The following KPNA3 variants were observed in gnomAD, a reference collection of about 807,000 sequenced individuals.
KPNA3 encodes importin subunit alpha-4.
In KPNA3, 13 loss-of-function variants were observed where a neutral mutation model predicts 73.8. The observed-to-expected ratio is 0.18, with a 90% CI of 0.11 to 0.28. KPNA3 has a LOEUF of 0.28. Ranked by LOEUF, KPNA3 falls within the 10% of genes least tolerant of loss-of-function variation. KPNA3 has a pLI of 1.00. For synonymous variants in KPNA3, 186 were observed against 206.9 expected (o/e 0.90, Z 0.87); for missense variants, 360 against 618.1 (o/e 0.58, Z 4.43).
intron 1 of KPNA3, among the ~76,000 whole-genome samples, chr13:49,756,709 A>G (rs1225826681): frequency 6.6e-6 from 1 of 152,262 alleles, no homozygotes; most frequent in East Asian, 1.9e-4. Context: ...ATACAGAATT[A>G]TTCTAAAATT....
chr13:49,782,914 C>G (rs1490949956), intron 1 of KPNA3, among the ~76,000 whole-genome samples: 1 of 151,486 alleles, frequency 6.6e-6, no homozygotes, highest in Non-Finnish European at 1.5e-5. Context: ...TCCCAAGTCA[C>G]TAGAATATGT....
intron 6 of KPNA3, among the ~76,000 whole-genome samples, chr13:49,731,061 TG>T (rs1954463976): frequency 2.0e-5 from 3 of 151,614 alleles, no homozygotes; most frequent in Admixed American, 2.0e-4. Context: ...ACTACAGGTG[TG>T]AGCCACTGCA....
chr13:49,783,939 T>TA (rs1954960907), intron 1 of KPNA3, among the ~76,000 whole-genome samples: 1 of 152,218 alleles, frequency 6.6e-6, no homozygotes, highest in Admixed American at 6.5e-5. Context: ...AACTTGAAGC[T>TA]AATCAAGACT....
intron 1 of KPNA3, among the ~76,000 whole-genome samples, chr13:49,789,007 C>G (rs1171403341): frequency 6.6e-6 from 1 of 152,102 alleles, no homozygotes; most frequent in Non-Finnish European, 1.5e-5. Context: ...TGTAGCCATT[C>G]CCAGTCTCAA....
chr13:49,771,119 C>CAA (rs34079476), intron 1 of KPNA3, among the ~76,000 whole-genome samples: 4,113 of 120,648 alleles, frequency 0.034, 190 homozygotes, highest in African/African-American at 0.12. Context: ...GTTGATATTT[C>CAA]AAAAAAAAAA....
At chr13:49,781,273 C>A (rs974902212) in intron 1 of KPNA3, among the ~76,000 whole-genome samples, 6 of 152,168 alleles carry the variant, frequency 3.9e-5, no homozygotes, top group African/African-American at 1.4e-4. Context: ...CTAGTCTATA[C>A]ATTCCTTGAG....
In KPNA3 at chr13:49,722,510, C is replaced by A; in HGVS notation, c.523G>T (p.Glu175Ter). The change falls in exon 8 of 17, where the codon GAA becomes TAA. Residue 175 changes from glutamate (E) to a stop codon, truncating the protein, a stop_gained. Coordinates refer to ENST00000261667, the MANE Select transcript of KPNA3 (RefSeq NM_002267.4). LOFTEE classifies it high-confidence loss of function. ...TTTCCCAAAGCCCATACTGCTTGTT[C>A]ACAAACATTCTGATGTGGTGAACGA... ...LLRSPHQNVC[E>*]QAVWALGNII... 6.2e-7 allele frequency: 1 copy of A among 1,611,882 alleles called. No individual in the cohort carries two copies. Among genetic ancestry groups the A allele is most frequent in the South Asian group, 1.1e-5 (1 of 90,414 alleles).
chr13:49,721,809 G>C, intron 9 of KPNA3, 146 bp downstream of exon 9: 1 of 493,718 alleles, frequency 2.0e-6, no homozygotes, highest in South Asian at 6.1e-5. Context: ...GACAGAGCAA[G>C]ACTCCGTTAT....
At chr13:49,755,614 T>G (rs1371999927) in intron 1 of KPNA3, among the ~76,000 whole-genome samples, 2 of 152,042 alleles carry the variant, frequency 1.3e-5, no homozygotes, top group East Asian at 3.9e-4. Flanking sequence ...GTCAACATAG[T>G]GAAACCCCAT....
At chr13:49,729,922 G>A (rs566363170) in intron 6 of KPNA3, among the ~76,000 whole-genome samples, 25 of 152,252 alleles carry the variant, frequency 1.6e-4, no homozygotes, top group South Asian at 1.5e-3. Context: ...CAAAAGCCAC[G>A]TGGATTTTTA....
intron 1 of KPNA3, among the ~76,000 whole-genome samples, chr13:49,782,853 C>T (rs1281148250): frequency 6.6e-6 from 1 of 151,516 alleles, no homozygotes; most frequent in East Asian, 1.9e-4. Flanking sequence ...CAGAGCAAGA[C>T]CCTGTCTCAA....
At chr13:49,768,912 G>T (rs1313977756) in intron 1 of KPNA3, among the ~76,000 whole-genome samples, 1 of 152,054 alleles carries the variant, frequency 6.6e-6, no homozygotes, top group Non-Finnish European at 1.5e-5. Flanking sequence ...TGTTAGCCCA[G>T]AACTCTGTAT....
intron 11 of KPNA3, among the ~76,000 whole-genome samples, chr13:49,710,302 A>G (rs1487171809): frequency 6.6e-6 from 1 of 152,194 alleles, no homozygotes; most frequent in Non-Finnish European, 1.5e-5. Flanking sequence ...TGGAATGGGC[A>G]CACACTTCCA....
intron 6 of KPNA3, among the ~76,000 whole-genome samples, chr13:49,728,799 G>C (rs1216699537): frequency 6.6e-6 from 1 of 152,162 alleles, no homozygotes; most frequent in Non-Finnish European, 1.5e-5. Context: ...AGCTTTACCA[G>C]AGAGTCTTTC....
At chr13:49,746,062 C>CAT (rs1954614059) in intron 2 of KPNA3, among the ~76,000 whole-genome samples, 1 of 38,558 alleles carries the variant, frequency 2.6e-5, no homozygotes. Context: ...GACTCTGCAT[C>CAT]AGAAAAAAAA....
chr13:49,752,143 G>A (rs1254415826), intron 1 of KPNA3, among the ~76,000 whole-genome samples: 1 of 152,132 alleles, frequency 6.6e-6, no homozygotes, highest in Non-Finnish European at 1.5e-5. Flanking sequence ...AAATGGAAGG[G>A]ATCTTTTGCA....
intron 1 of KPNA3, among the ~76,000 whole-genome samples, chr13:49,781,677 A>T (rs190034073): frequency 3.9e-4 from 59 of 152,312 alleles, no homozygotes; most frequent in African/African-American, 1.3e-3. Flanking sequence ...CCGAGAACTC[A>T]TTATTTTTAT....
intron 1 of KPNA3, among the ~76,000 whole-genome samples, chr13:49,762,635 A>C (rs190494097): frequency 7.9e-5 from 12 of 152,176 alleles, no homozygotes; most frequent in African/African-American, 2.6e-4. Flanking sequence ...GCGGTGCAAG[A>C]TGTGCTTTGT....
At chr13:49,713,292 GAATA>G (rs772452011) in intron 10 of KPNA3, among the ~76,000 whole-genome samples, 1 of 108,310 alleles carries the variant, frequency 9.2e-6, no homozygotes, top group Non-Finnish European at 1.9e-5. Flanking sequence ...TTAAAGCAGA[GAATA>G]AACACACACA....
Sources: allele counts gnomAD v4.1 joint callset (sites outside exome capture counted in the v4.1 genomes callset), GRCh38; gene constraint gnomAD v4.1.1; transcripts MANE v1.5; gene names NCBI Gene and HGNC (gene_info 2026-07-23, HGNC 2026-07-21).